Variants in ZFYVE26 observed in about 807,000 individuals in gnomAD.
ZFYVE26 encodes zinc finger FYVE-type containing 26.
In ZFYVE26, 181 loss-of-function variants were observed where a neutral mutation model predicts 276.5. That is an observed-to-expected ratio of 0.65 (90% confidence interval 0.58 to 0.74). The LOEUF (loss-of-function observed/expected upper bound fraction) is 0.74. ZFYVE26 is among the 30% of genes least tolerant of loss of function. ZFYVE26 has a pLI of 0.00. For missense variants in ZFYVE26, 2,821 were observed against 3,097.9 expected (o/e 0.91, Z 2.12); for synonymous variants, 1,129 against 1,203.1 (o/e 0.94, Z 1.27).
chr14:67,789,394 GT>G lies in ZFYVE26; in HGVS notation c.2959del (p.Thr987ProfsTer13). ...LACSQCQLWKTCKQLLETAER... is the reference protein window; with the variant it reads ...LACSQCQLWKXCKQLLETAER... ...GGCTGTCTCCAAAAGCTGCTTGCAG[GT>G]TTTCCAGAGCTGGCACTGAGAGCAA... On this transcript the variant is annotated frameshift_variant, in exon 16 of 42. Transcript: ENST00000347230. LOFTEE classifies it high-confidence loss of function. The G allele has an allele frequency of 1.2e-6, 2 of 1,614,216 alleles. No individual in the cohort carries two copies. Among genetic ancestry groups the G allele is most frequent in the Non-Finnish European group, 1.7e-6 (2 of 1,180,046 alleles).
At chr14:67,774,372 G>A (rs538740474) in intron 27 of ZFYVE26, among the ~76,000 whole-genome samples, 3 of 152,278 alleles carry the variant, frequency 2.0e-5, no homozygotes, top group South Asian at 4.1e-4. Context: ...GGTGGCACAC[G>A]CCTTTAATCC....
rs1366874265 is a variant in ZFYVE26 at position 67,775,070 on chromosome 14, GA to G, written c.5265del (p.Glu1757ArgfsTer27). 1 of 1,613,024 alleles carries G rather than the reference GA, an allele frequency of 6.2e-7. No homozygotes were observed. On this transcript the variant is annotated frameshift_variant, in exon 27 of 42. Coordinates refer to ENST00000347230, the MANE Select transcript of ZFYVE26 (RefSeq NM_015346.4). LOFTEE classifies it high-confidence loss of function. ...HLQEIVHQAA[D>X]PETLPRSPSA... ...GATGGTGATCTAGGGAGGGTCTCGG[GA>G]TCTGCAGCCTGGTGGACAATTTCTT...
chr14:67,793,573 C>A, intron 14 of ZFYVE26, 35 bp downstream of exon 14: 2 of 1,608,714 alleles, frequency 1.2e-6, no homozygotes, highest in South Asian at 2.2e-5. Context: ...GATGCTAAGT[C>A]ATTCAGGGGC....
chr14:67,755,167 T>G lies in ZFYVE26; in HGVS notation c.6870A>C (p.Ser2290=). The change falls in exon 37 of 42, where the codon TCA becomes TCC. Residue 2290 remains serine (S), a synonymous_variant. Coordinates refer to ENST00000347230, the MANE Select transcript of ZFYVE26 (RefSeq NM_015346.4). ...KSYTELGEKL[S]WLLKAKDHLK... is the part of the protein sequence containing the mutation. ...GGTGGTCCTTGGCCTTAAGTAGCCATGAGAGCTTCTCTCCCAGTTCTGTAT... is the reference window on the plus strand; with the variant it reads ...GGTGGTCCTTGGCCTTAAGTAGCCAGGAGAGCTTCTCTCCCAGTTCTGTAT... The G allele has an allele frequency of 6.2e-7, 1 of 1,614,224 alleles. No individual in the cohort carries two copies. The highest frequency in any genetic ancestry group is 1.1e-5 in the South Asian group (1 of 91,084).
In ZFYVE26 at chr14:67,747,502, G is replaced by C. The variant is rs1400818532; in HGVS notation, c.*934C>G. On this transcript the variant is annotated 3_prime_UTR_variant, in exon 42 of 42. Transcript: ENST00000347230. ...GCAAACAGGACTGCAGCTCAAATAG[G>C]TAAAATCGAGTCATTCAGTCCTAGG... 1 of 152,214 alleles carries C rather than the reference G, an allele frequency of 6.6e-6. No homozygotes were observed. The highest frequency in any genetic ancestry group is 1.9e-4 in the East Asian group (1 of 5,200). 9.4% of individuals were successfully genotyped at this position (152,214 alleles called of 1,614,324 possible). A position where few individuals can be genotyped will look rare whatever the true frequency, so the allele number is the denominator to read the frequency against.
intron 9 of ZFYVE26, 57 bp from the exon 10 acceptor site, chr14:67,802,339 T>TTAATTA (rs2140246957): frequency 6.4e-7 from 1 of 1,569,860 alleles, no homozygotes; most frequent in Non-Finnish European, 8.8e-7. Flanking sequence ...AGGATGCAAG[T>TTAATTA]ATGGGTGAAG....
chr14:67,812,003 G>A (rs1042377786), intron 3 of ZFYVE26, among the ~76,000 whole-genome samples: 1 of 146,936 alleles, frequency 6.8e-6, no homozygotes, highest in East Asian at 2.0e-4. Flanking sequence ...CACTGAAGGA[G>A]AACAATTATG....
At chr14:67,791,306 A>T (rs1380013887) in intron 14 of ZFYVE26, among the ~76,000 whole-genome samples, 2 of 152,226 alleles carry the variant, frequency 1.3e-5, no homozygotes, top group African/African-American at 4.8e-5. Context: ...TATATATTAC[A>T]ACTATTACAA....
intron 40 of ZFYVE26, among the ~76,000 whole-genome samples, chr14:67,751,861 C>CA (rs5809363): frequency 0.2 from 27,596 of 140,608 alleles, 3,001 homozygotes; most frequent in East Asian, 0.5. Flanking sequence ...GACTCTGTCT[C>CA]AAAAAAAAAA....
chr14:67,763,972 C>T (rs1458623956), intron 32 of ZFYVE26, among the ~76,000 whole-genome samples: 1 of 152,128 alleles, frequency 6.6e-6, no homozygotes, highest in Non-Finnish European at 1.5e-5. Context: ...GCTACCATTC[C>T]CTGGAGATGC....
chr14:67,798,328 A>T lies in ZFYVE26; in HGVS notation c.1934T>A (p.Met645Lys). 6.2e-7 allele frequency: 1 copy of T among 1,613,468 alleles called. No individual in the cohort carries two copies. The highest frequency in any genetic ancestry group is 8.5e-7 in the Non-Finnish European group (1 of 1,179,698). ...TGGCTCTGCCTTCACATGGCTTGGCATTGTATAAGCAAGGGTCTTTGGGAC... is the reference window on the plus strand; with the variant it reads ...TGGCTCTGCCTTCACATGGCTTGGCTTTGTATAAGCAAGGGTCTTTGGGAC... ...LGVPKTLAYTMPSHVKAEPKD... is the reference protein window; with the variant it reads ...LGVPKTLAYTKPSHVKAEPKD... Residue 645 changes from methionine (M) to lysine (K), a missense_variant, in exon 11 of 42, where the codon ATG becomes AAG. Physicochemically the swap from Met to Lys is moderately conservative, Grantham distance 95. Transcript: ENST00000347230.
At chr14:67,802,786 A>G (rs1248126476) in intron 9 of ZFYVE26, among the ~76,000 whole-genome samples, 1 of 152,174 alleles carries the variant, frequency 6.6e-6, no homozygotes, top group Non-Finnish European at 1.5e-5. Context: ...CTTTCCAGAA[A>G]AAAAAAACAT....
intron 26 of ZFYVE26, 140 bp downstream of exon 26, chr14:67,775,720 T>C: frequency 8.9e-6 from 11 of 1,242,608 alleles, no homozygotes; most frequent in Non-Finnish European, 1.3e-5. Context: ...TCCTATATAA[T>C]AAAGAGATAG....
At chr14:67,789,688 T>G in intron 15 of ZFYVE26, 90 bp from the exon 16 acceptor site, 6 of 1,559,058 alleles carry the variant, frequency 3.8e-6, no homozygotes, top group Non-Finnish European at 5.3e-6. Flanking sequence ...TTCAAAATGT[T>G]TGAGGTTCAT....
intron 32 of ZFYVE26, among the ~76,000 whole-genome samples, chr14:67,764,194 C>A (rs1201047323): frequency 1.3e-5 from 2 of 152,198 alleles, no homozygotes; most frequent in African/African-American, 4.8e-5. Context: ...GTTCCTGAAT[C>A]TCGTCTCATA....
rs1011084549 is a variant in ZFYVE26, at chr14:67,747,987, C to T, written c.*449G>A. ...CTCTAGGTAAGAGGAGCTACTAAAGCACGTCCACAGAGGGGGGACTATACA... is the reference window on the plus strand; with the variant it reads ...CTCTAGGTAAGAGGAGCTACTAAAGTACGTCCACAGAGGGGGGACTATACA... On this transcript the variant is annotated 3_prime_UTR_variant, in exon 42 of 42. Transcript: ENST00000347230. 2.7e-5 allele frequency: 5 copies of T among 182,606 alleles called. No homozygotes were observed. Among genetic ancestry groups the T allele is most frequent in the African/African-American group, 1.2e-4 (5 of 42,448 alleles). The allele number at this position is 182,606 out of a possible 1,614,324, so 11.3% of individuals were successfully genotyped here.
At chr14:67,734,880 C>T (rs761778538) in intron 13 of ZFYVE26, among the ~76,000 whole-genome samples, 16 of 152,308 alleles carry the variant, frequency 1.1e-4, no homozygotes, top group African/African-American at 3.9e-4. Context: ...TTCCTGCCGC[C>T]CTCAGCAAGG....
At chr14:67,773,485 G>C (rs1210848286) in intron 27 of ZFYVE26, among the ~76,000 whole-genome samples, 1 of 148,854 alleles carries the variant, frequency 6.7e-6, no homozygotes, top group Non-Finnish European at 1.5e-5. Flanking sequence ...AGTGAGCTCT[G>C]ATGGCACCAC....
intron 31 of ZFYVE26, among the ~76,000 whole-genome samples, chr14:67,767,080 T>G (rs1411840651): frequency 6.6e-6 from 1 of 152,162 alleles, no homozygotes; most frequent in Non-Finnish European, 1.5e-5. Flanking sequence ...TATTGCTGAC[T>G]TGGACAACAA....
Sources: gnomAD v4.1 joint callset for allele counts (sites outside exome capture counted in the v4.1 genomes callset) on GRCh38, gnomAD v4.1.1 for gene constraint, MANE v1.5 for transcripts, NCBI Gene and HGNC (gene_info 2026-07-23, HGNC 2026-07-21) for gene names.